IL31RA: variants seen among roughly 807,000 people sequenced by gnomAD.
IL31RA encodes the protein interleukin 31 receptor A, also known as interleukin-31 receptor subunit alpha.
Under a neutral mutation model 83.7 loss-of-function variants are expected in IL31RA, and 66 were observed. The ratio of observed to expected loss-of-function variants is 0.79; its 90% CI spans 0.65 to 0.97. IL31RA has a LOEUF of 0.97. Ranked by LOEUF, IL31RA falls within the 50% of genes least tolerant of loss-of-function variation. IL31RA has a pLI of 0.00. For missense variants in IL31RA, 798 were observed against 919.4 expected, an observed-to-expected ratio of 0.87 and a Z score of 1.71; for synonymous variants, 325 against 329.0, an observed-to-expected ratio of 0.99 and a Z score of 0.13.
intron 4 of IL31RA, among the ~76,000 whole-genome samples, chr5:55,874,156 A>G (rs1250305488): frequency 6.6e-6 from 1 of 152,096 alleles, no homozygotes; most frequent in East Asian, 1.9e-4. Flanking sequence ...TTCTGACCCC[A>G]TGGCCCCATC....
upstream of IL31RA, among the ~76,000 whole-genome samples, chr5:55,850,473 CTAAT>C (rs1298058486): frequency 1.6e-4 from 25 of 152,156 alleles, no homozygotes; most frequent in Admixed American, 1.5e-3. Flanking sequence ...TTCTTGTTCT[CTAAT>C]TATGCCTTTA....
At chr5:55,900,216 G>A (rs1393078364) in intron 8 of IL31RA, 84 bp downstream of exon 8, 3 of 989,044 alleles carry the variant, frequency 3.0e-6, no homozygotes, top group Non-Finnish European at 3.3e-6. Flanking sequence ...AAGGGTGGCT[G>A]TTTCTCTTGA....
At chr5:55,865,589 A>T (rs1746004685) in intron 2 of IL31RA, among the ~76,000 whole-genome samples, 1 of 152,188 alleles carries the variant, frequency 6.6e-6, no homozygotes, top group Non-Finnish European at 1.5e-5. Flanking sequence ...ACCCCTTTAC[A>T]CCACCTTCTT....
intron 4 of IL31RA, among the ~76,000 whole-genome samples, chr5:55,877,983 G>T (rs1746966319): frequency 6.6e-6 from 1 of 152,112 alleles, no homozygotes; most frequent in Non-Finnish European, 1.5e-5. Flanking sequence ...GCTTGATCCT[G>T]TTCCACAGCT....
chr5:55,898,536 T>A (rs1438327412), intron 7 of IL31RA, among the ~76,000 whole-genome samples: 1 of 147,454 alleles, frequency 6.8e-6, no homozygotes, highest in Non-Finnish European at 1.5e-5. Flanking sequence ...GAATGTTATT[T>A]AAAAAAGTTA....
chr5:55,906,972 T>C (rs1749195414), intron 9 of IL31RA, among the ~76,000 whole-genome samples: 1 of 152,136 alleles, frequency 6.6e-6, no homozygotes, highest in African/African-American at 2.4e-5. Context: ...CAGGCAGGGA[T>C]GCAGGCAAGT....
At chr5:55,865,038 G>T (rs904847374) in intron 2 of IL31RA, among the ~76,000 whole-genome samples, 1 of 152,208 alleles carries the variant, frequency 6.6e-6, no homozygotes, top group Non-Finnish European at 1.5e-5. Context: ...ACCTCTTGTA[G>T]GACTTTGCAC....
intron 1 of IL31RA, among the ~76,000 whole-genome samples, chr5:55,858,192 A>G: frequency 6.6e-6 from 1 of 152,180 alleles, no homozygotes; most frequent in East Asian, 1.9e-4. Flanking sequence ...CAGAATAGCA[A>G]TTTTAGTTTT....
At chr5:55,896,859 C>T (rs1327089479) in intron 7 of IL31RA, among the ~76,000 whole-genome samples, 2 of 86,468 alleles carry the variant, frequency 2.3e-5, no homozygotes, top group Non-Finnish European at 4.5e-5. Flanking sequence ...CTCAATCACC[C>T]AGGCTGGAGT....
At chr5:55,853,209 C>T (rs1159562628) in intron 1 of IL31RA, 3 of 621,988 alleles carry the variant, frequency 4.8e-6, no homozygotes, top group Admixed American at 1.0e-4. Flanking sequence ...TTTGTAAGGA[C>T]TTCCTGAAGA....
At position 55,859,617 on chromosome 5, in the gene IL31RA, C is replaced by T. The variant is rs1324853812; in HGVS notation, c.154+18C>T. 8 of 1,509,638 alleles carry T rather than the reference C, an allele frequency of 5.3e-6. No homozygotes were observed. Among genetic ancestry groups the T allele is most frequent in the Non-Finnish European group, 3.7e-6 (4 of 1,084,516 alleles). The allele number at this position is 1,509,638 out of a possible 1,614,324, so 93.5% of individuals were successfully genotyped here. A position where few individuals can be genotyped will look rare whatever the true frequency, so the allele number is the denominator to read the frequency against. On this transcript the variant is annotated intron_variant, in intron 2 of 14. Transcript: ENST00000652347. ...CCTGGCAGGTAGGTTGACCTGGGCC[C>T]TTTTACAGATCATGTGATTATTATT...
intron 2 of IL31RA, among the ~76,000 whole-genome samples, chr5:55,864,698 A>G (rs914183209): frequency 1.3e-5 from 2 of 150,888 alleles, no homozygotes; most frequent in Non-Finnish European, 3.0e-5. Flanking sequence ...CATCACACAT[A>G]CTACACACAT....
intron 8 of IL31RA, among the ~76,000 whole-genome samples, chr5:55,904,202 G>A (rs980370921): frequency 7.2e-5 from 11 of 152,190 alleles, no homozygotes; most frequent in African/African-American, 2.4e-4. Context: ...AATTCAACCT[G>A]TAACAGGTAC....
At position 55,914,933 on chromosome 5, in the gene IL31RA, A is replaced by G; in HGVS notation, c.1818+5A>G. The G allele has an allele frequency of 6.2e-7, 1 of 1,602,530 alleles. No individual in the cohort carries two copies. Among genetic ancestry groups the G allele is most frequent in the Non-Finnish European group, 8.6e-7 (1 of 1,169,364 alleles). ...TGGCATGGAGATGATTTCAAGGTAA[A>G]CTCTCCTGTTTTTATTAAGGAAATC... On this transcript the variant is annotated splice_donor_5th_base_variant and intron_variant, in intron 14 of 14. Transcript: ENST00000652347.
upstream of IL31RA, among the ~76,000 whole-genome samples, chr5:55,851,153 T>C (rs1028514990): frequency 5.3e-5 from 8 of 151,988 alleles, no homozygotes; most frequent in South Asian, 2.1e-4. Flanking sequence ...GGGGGAAATA[T>C]AGAGTTAGGT....
At chr5:55,901,165 T>G (rs1375410198) in intron 8 of IL31RA, among the ~76,000 whole-genome samples, 1 of 152,214 alleles carries the variant, frequency 6.6e-6, no homozygotes, top group Non-Finnish European at 1.5e-5. Flanking sequence ...CTTGATATTA[T>G]TTTAGTTAGC....
Position 55,917,224 on chromosome 5 carries a change from T to A in IL31RA, c.*104T>A. ...GCGCTTGCTTGGCCCTGCCACATCC[T>A]GCCTAGGTTAAAGTTTCCCCTGCCC... On this transcript the variant is annotated 3_prime_UTR_variant, in exon 15 of 15. Coordinates refer to ENST00000652347, the MANE Select transcript of IL31RA (RefSeq NM_139017.7). 6.3e-7 allele frequency: 1 copy of A among 1,598,004 alleles called. No individual in the cohort carries two copies. Among genetic ancestry groups the A allele is most frequent in the Non-Finnish European group, 8.5e-7 (1 of 1,177,834 alleles).
At chr5:55,859,947 A>G (rs1745572487) in intron 2 of IL31RA, among the ~76,000 whole-genome samples, 1 of 152,212 alleles carries the variant, frequency 6.6e-6, no homozygotes, top group Non-Finnish European at 1.5e-5. Flanking sequence ...GATAGTACCA[A>G]ACCCTATATA....
At chr5:55,878,501 G>A (rs1334159206) in intron 4 of IL31RA, among the ~76,000 whole-genome samples, 1 of 152,280 alleles carries the variant, frequency 6.6e-6, no homozygotes, top group Non-Finnish European at 1.5e-5. Flanking sequence ...CTCTGTGCTG[G>A]GGCTGTTCTT....
Sources: allele counts gnomAD v4.1 joint callset (sites outside exome capture counted in the v4.1 genomes callset), GRCh38; gene constraint gnomAD v4.1.1; transcripts MANE v1.5; gene names NCBI Gene and HGNC (gene_info 2026-07-23, HGNC 2026-07-21).